The following ZNG1E variants were observed in gnomAD, a reference collection of about 807,000 sequenced individuals.
The protein encoded by ZNG1E is Zn regulated GTPase metalloprotein activator 1E.
the ZNG1E span, among the ~76,000 whole-genome samples, chr9:65,729,648 A>G: frequency 1.9e-5 from 1 of 52,696 alleles, no homozygotes; most frequent in East Asian, 3.8e-4. Flanking sequence ...AGAATCTACA[A>G]TGAACTCCAA....
At chr9:65,694,216 C>G in the ZNG1E span, among the ~76,000 whole-genome samples, 1 of 150,714 alleles carries the variant, frequency 6.6e-6, no homozygotes, top group Non-Finnish European at 1.5e-5. Context: ...TTATTATAGG[C>G]ATGTTTGAAT....
the ZNG1E span, among the ~76,000 whole-genome samples, chr9:65,675,095 CAG>C: frequency 9.3e-5 from 14 of 151,240 alleles, no homozygotes; most frequent in Admixed American, 2.6e-4. Flanking sequence ...AAAAAGAAAA[CAG>C]GGAATGATCA....
chr9:65,687,210 C>G, the ZNG1E span, among the ~76,000 whole-genome samples: 2 of 137,602 alleles, frequency 1.5e-5, no homozygotes, highest in East Asian at 4.2e-4. Context: ...ATTAATTGGC[C>G]TAGTTTCGTG....
chr9:65,714,728 AC>A, the ZNG1E span, among the ~76,000 whole-genome samples: 8 of 151,140 alleles, frequency 5.3e-5, no homozygotes, highest in Non-Finnish European at 1.2e-4. Flanking sequence ...GGGGTCAGGG[AC>A]CCACTTGAGG....
At chr9:65,717,584 T>A in the ZNG1E span, among the ~76,000 whole-genome samples, 1 of 149,796 alleles carries the variant, frequency 6.7e-6, no homozygotes, top group Non-Finnish European at 1.5e-5. Context: ...TATTTTTAAT[T>A]TGATGCTGTG....
At chr9:65,717,868 TAGA>T in the ZNG1E span, among the ~76,000 whole-genome samples, 10 of 145,484 alleles carry the variant, frequency 6.9e-5, 1 homozygote, top group African/African-American at 2.7e-4. Context: ...TTTATTTTGG[TAGA>T]AGATGAGGTT....
At chr9:65,691,419 A>G in the ZNG1E span, among the ~76,000 whole-genome samples, 9 of 151,860 alleles carry the variant, frequency 5.9e-5, no homozygotes, top group Middle Eastern at 3.4e-3. Flanking sequence ...GGTTAAGCTT[A>G]TTGTTGTTCA....
chr9:65,663,162 T>C, the ZNG1E span, among the ~76,000 whole-genome samples: 1 of 152,278 alleles, frequency 6.6e-6, no homozygotes, highest in Non-Finnish European at 1.5e-5. Flanking sequence ...CAATGTTTAC[T>C]GAGGAAGAAC....
the ZNG1E span, among the ~76,000 whole-genome samples, chr9:65,711,231 T>C: frequency 2.5e-5 from 3 of 118,342 alleles, no homozygotes; most frequent in Admixed American, 1.8e-4. Context: ...TGAAGTTGCT[T>C]ATCAGCTTAA....
chr9:65,685,642 A>C, the ZNG1E span, among the ~76,000 whole-genome samples: 1 of 151,570 alleles, frequency 6.6e-6, no homozygotes, highest in Non-Finnish European at 1.5e-5. Flanking sequence ...TAGTTCTCTT[A>C]CTGTTTCCAC....
At chr9:65,685,814 A>G in the ZNG1E span, among the ~76,000 whole-genome samples, 1 of 152,374 alleles carries the variant, frequency 6.6e-6, no homozygotes, top group Non-Finnish European at 1.5e-5. Flanking sequence ...CTTTGCCTAG[A>G]TCCATCAGAG....
chr9:65,678,638 C>G, the ZNG1E span, among the ~76,000 whole-genome samples: 54 of 139,724 alleles, frequency 3.9e-4, 1 homozygote, highest in Non-Finnish European at 7.6e-4. Flanking sequence ...TTAGTGTGTA[C>G]GGTTCACAAG....
the ZNG1E span, among the ~76,000 whole-genome samples, chr9:65,672,391 A>G: frequency 1.5e-4 from 23 of 152,024 alleles, no homozygotes. Flanking sequence ...GAAATTTCAT[A>G]CTTATTTAAA....
chr9:65,663,540 A>G, the ZNG1E span, among the ~76,000 whole-genome samples: 1 of 136,952 alleles, frequency 7.3e-6, no homozygotes, highest in African/African-American at 2.8e-5. Flanking sequence ...TTGCTCTTCC[A>G]TGGTATCCTT....
At chr9:65,661,995 A>G in the ZNG1E span, among the ~76,000 whole-genome samples, 1 of 152,262 alleles carries the variant, frequency 6.6e-6, no homozygotes, top group Non-Finnish European at 1.5e-5. Context: ...ATAGTTTCAA[A>G]GTATCTCCCC....
chr9:65,673,503 C>T, the ZNG1E span, among the ~76,000 whole-genome samples: 1 of 151,780 alleles, frequency 6.6e-6, no homozygotes, highest in East Asian at 1.9e-4. Context: ...ATTTTGCTCT[C>T]ATTGAGGCTA....
the ZNG1E span, among the ~76,000 whole-genome samples, chr9:65,665,647 C>T: frequency 6.7e-6 from 1 of 148,812 alleles, no homozygotes; most frequent in African/African-American, 2.5e-5. Flanking sequence ...AATGGTAGAT[C>T]CATGGACGGC....
At chr9:65,657,643 T>C in the ZNG1E span, among the ~76,000 whole-genome samples, 1 of 152,320 alleles carries the variant, frequency 6.6e-6, no homozygotes, top group East Asian at 1.9e-4. Context: ...ATAAATCTAA[T>C]AGTTGCTAGC....
At chr9:65,661,054 G>T in the ZNG1E span, among the ~76,000 whole-genome samples, 2 of 147,960 alleles carry the variant, frequency 1.4e-5, no homozygotes, top group Non-Finnish European at 3.0e-5. Flanking sequence ...GCCATGTACT[G>T]CTAGATCTAA....
Sources: gnomAD v4.1 joint callset for allele counts (sites outside exome capture counted in the v4.1 genomes callset) on GRCh38, gnomAD v4.1.1 for gene constraint, MANE v1.5 for transcripts, NCBI Gene and HGNC (gene_info 2026-07-23, HGNC 2026-07-21) for gene names.